CALU: variants seen among roughly 807,000 people sequenced by gnomAD.
CALU encodes IEF SSP 9302.
In CALU, 13 loss-of-function variants were observed where a neutral mutation model predicts 37.5. The observed-to-expected ratio is 0.35, with a 90% CI of 0.23 to 0.55. The LOEUF (loss-of-function observed/expected upper bound fraction) is 0.55. CALU is among the 20% of genes least tolerant of loss of function. CALU has a pLI of 0.89. For missense variants in CALU, 282 were observed against 391.7 expected, an observed-to-expected ratio of 0.72 and a Z score of 2.36; for synonymous variants, 114 against 133.8, an observed-to-expected ratio of 0.85 and a Z score of 1.02.
intron 1 of CALU, among the ~76,000 whole-genome samples, chr7:128,739,637 C>G (rs1279644694): frequency 1.3e-5 from 2 of 151,710 alleles, no homozygotes; most frequent in South Asian, 2.1e-4. Flanking sequence ...GCCCGTCTTA[C>G]CGCGCGCTCT....
In CALU at chr7:128,769,965, C is replaced by T. The variant is rs1409877299; in HGVS notation, c.*798C>T. On this transcript the variant is annotated 3_prime_UTR_variant, in exon 7 of 7. Transcript: ENST00000249364. ...ACTAAAGGAAAAATACAAGTGTTTT[C>T]GGGGCATACATTTTTTTTCTGGGTG... The T allele has an allele frequency of 7.9e-5, 12 of 152,370 alleles. No individual in the cohort carries two copies. Among genetic ancestry groups the T allele is most frequent in the East Asian group, 3.9e-4 (2 of 5,184 alleles). The allele number at this position is 152,370 out of a possible 1,614,324, so 9.4% of individuals were successfully genotyped here.
intron 2 of CALU, among the ~76,000 whole-genome samples, chr7:128,752,834 G>C (rs933808127): frequency 6.6e-6 from 1 of 152,072 alleles, no homozygotes; most frequent in Non-Finnish European, 1.5e-5. Flanking sequence ...ACAGGCATGC[G>C]CCACCATGCC....
chr7:128,763,683 C>G (rs947971858), intron 5 of CALU, among the ~76,000 whole-genome samples: 3 of 152,212 alleles, frequency 2.0e-5, no homozygotes, highest in East Asian at 3.8e-4. Flanking sequence ...TAATTCAGAA[C>G]TTTCCAATCT....
In CALU at chr7:128,772,601, G is replaced by A; in HGVS notation, c.*3434G>A. 1.2e-6 allele frequency: 2 copies of A among 1,614,214 alleles called. No homozygotes were observed. Among genetic ancestry groups the A allele is most frequent in the Non-Finnish European group, 1.7e-6 (2 of 1,180,016 alleles). ...AACTTCTGTTTTCTGGGAGCTGCAT[G>A]TGTCGGATTCATCTGTCATGGCCTT... On this transcript the variant is annotated 3_prime_UTR_variant, in exon 7 of 7. Transcript: ENST00000249364.
chr7:128,771,976 C>G lies in CALU; in HGVS notation c.*2809C>G, dbSNP rs1585026047. Among the ~76,000 whole-genome samples the G allele has an allele frequency of 6.6e-6, 1 of 151,936 alleles. No individual in the cohort carries two copies. The highest frequency in any genetic ancestry group is 1.9e-4 in the East Asian group (1 of 5,188). On this transcript the variant is annotated 3_prime_UTR_variant, in exon 7 of 7. Transcript: ENST00000249364. ...GGAATAATTTGTGCTTGCTCAGGGGCTTGTGGACATGGCTGTTCCTGCCAA... is the reference window on the plus strand; with the variant it reads ...GGAATAATTTGTGCTTGCTCAGGGGGTTGTGGACATGGCTGTTCCTGCCAA...
At chr7:128,762,553 G>A (rs1801161748) in intron 5 of CALU, among the ~76,000 whole-genome samples, 1 of 150,542 alleles carries the variant, frequency 6.6e-6, no homozygotes, top group Non-Finnish European at 1.5e-5. Flanking sequence ...AGCCCCATCA[G>A]TGCCTGTGGA....
chr7:128,748,289 G>T, intron 1 of CALU: 1 of 1,076,086 alleles, frequency 9.3e-7, no homozygotes, highest in Non-Finnish European at 1.3e-6. Flanking sequence ...TTCTACTTTG[G>T]TATCTTTTGA....
intron 4 of CALU, 103 bp downstream of exon 4, chr7:128,759,140 T>A: frequency 1.3e-6 from 1 of 788,428 alleles, no homozygotes; most frequent in Non-Finnish European, 2.0e-6. Context: ...TATATATATA[T>A]GCTATATAGC....
At chr7:128,756,798 A>G (rs1585011227) in intron 3 of CALU, among the ~76,000 whole-genome samples, 1 of 152,252 alleles carries the variant, frequency 6.6e-6, no homozygotes, top group African/African-American at 2.4e-5. Flanking sequence ...AGTTTTGGAC[A>G]GGCACAGTGG....
chr7:128,751,325 T>C (rs1383217997), intron 2 of CALU, among the ~76,000 whole-genome samples: 1 of 151,634 alleles, frequency 6.6e-6, no homozygotes, highest in Non-Finnish European at 1.5e-5. Flanking sequence ...ATATTTACTA[T>C]AGAAGTGAAC....
At chr7:128,754,491 G>A in intron 3 of CALU, 36 bp downstream of exon 3, 1 of 1,604,866 alleles carries the variant, frequency 6.2e-7, no homozygotes. Flanking sequence ...AAGCCTTGTG[G>A]AGCTGGCACC....
chr7:128,772,781 G>T lies in CALU; in HGVS notation c.*3614G>T. The stretch of plus-strand genomic sequence containing the variant: ...TTTGTACCCAGAATGCCCTTAGGTG[G>T]TTTTGAATCTATCTTCCCCATCCTG... On this transcript the variant is annotated 3_prime_UTR_variant, in exon 7 of 7. Coordinates refer to ENST00000249364, the MANE Select transcript of CALU (RefSeq NM_001219.5). 7.6e-7 allele frequency: 1 copy of T among 1,313,372 alleles called. No homozygotes were observed. The highest frequency in any genetic ancestry group is 1.1e-6 in the Non-Finnish European group (1 of 920,860). The allele number at this position is 1,313,372 out of a possible 1,614,324, so 81.4% of individuals were successfully genotyped here. A position where few individuals can be genotyped will look rare whatever the true frequency, so the allele number is the denominator to read the frequency against.
intron 2 of CALU, among the ~76,000 whole-genome samples, chr7:128,752,802 A>G (rs56122380): frequency 0.058 from 8,832 of 152,234 alleles, 314 homozygotes; most frequent in East Asian, 0.13. Flanking sequence ...CTCCTGCCTC[A>G]GCCTCCTGAA....
At chr7:128,749,964 C>T (rs1481198471) in intron 2 of CALU, among the ~76,000 whole-genome samples, 4 of 152,120 alleles carry the variant, frequency 2.6e-5, no homozygotes, top group Admixed American at 6.5e-5. Flanking sequence ...CGGTGGCTCA[C>T]GCCTGTAATC....
chr7:128,741,143 C>T (rs1420493202), intron 1 of CALU, among the ~76,000 whole-genome samples: 2 of 152,190 alleles, frequency 1.3e-5, no homozygotes, highest in Non-Finnish European at 2.9e-5. Context: ...CCACAAGGCC[C>T]TAGATTCTCA....
Position 128,772,409 on chromosome 7 carries a change from C to T in CALU, c.*3242C>T. ...TAGTAAGAAAATGAAAAATTGACTC[C>T]CCAAACTGCCATCACTCCTTTTACC... On this transcript the variant is annotated 3_prime_UTR_variant, in exon 7 of 7. Transcript: ENST00000249364. The T allele has an allele frequency of 8.8e-7, 1 of 1,133,610 alleles. No homozygotes were observed. Among genetic ancestry groups the T allele is most frequent in the Non-Finnish European group, 1.3e-6 (1 of 774,674 alleles). 70.2% of individuals were successfully genotyped at this position (1,133,610 alleles called of 1,614,324 possible).
intron 3 of CALU, among the ~76,000 whole-genome samples, chr7:128,757,028 A>G (rs941640498): frequency 3.3e-5 from 5 of 152,096 alleles, no homozygotes; most frequent in Non-Finnish European, 5.9e-5. Flanking sequence ...GCATTGAGCT[A>G]TGATTGCATT....
intron 6 of CALU, 38 bp downstream of exon 6, chr7:128,767,693 G>T: frequency 6.6e-7 from 1 of 1,522,348 alleles, no homozygotes; most frequent in South Asian, 1.1e-5. Context: ...ATCCTTGATT[G>T]AAGTATGCTT....
intron 4 of CALU, among the ~76,000 whole-genome samples, chr7:128,759,507 C>G (rs1379697642): frequency 3.3e-5 from 5 of 152,182 alleles, no homozygotes; most frequent in Non-Finnish European, 4.4e-5. Context: ...CCAGGTAGAT[C>G]ATCATGGGCT....
Sources: allele counts gnomAD v4.1 joint callset (sites outside exome capture counted in the v4.1 genomes callset), GRCh38; gene constraint gnomAD v4.1.1; transcripts MANE v1.5; gene names NCBI Gene and HGNC (gene_info 2026-07-23, HGNC 2026-07-21).